PROS1: variants seen among roughly 807,000 people sequenced by gnomAD.
PROS1 encodes the protein protein S.
Under a neutral mutation model 75.9 loss-of-function variants are expected in PROS1, and 29 were observed. That is an observed-to-expected ratio of 0.38 (90% confidence interval 0.28 to 0.52). PROS1 has a LOEUF of 0.52. PROS1 is among the 20% of genes least tolerant of loss of function. The probability of loss-of-function intolerance (pLI) is 0.83; values close to 1 mark genes in which losing one functional copy is unlikely to be tolerated. For missense variants in PROS1, 680 were observed against 810.3 expected (o/e 0.84, Z 1.95); for synonymous variants, 245 against 280.6 (o/e 0.87, Z 1.27).
intron 1 of PROS1, among the ~76,000 whole-genome samples, chr3:93,969,676 C>T (rs1390747225): frequency 6.6e-6 from 1 of 152,160 alleles, no homozygotes; most frequent in Non-Finnish European, 1.5e-5. Flanking sequence ...CGCATTCCTT[C>T]TGTAGGCCTG....
chr3:93,933,384 G>A (rs1403043338), intron 1 of PROS1, among the ~76,000 whole-genome samples: 1 of 152,068 alleles, frequency 6.6e-6, no homozygotes, highest in Non-Finnish European at 1.5e-5. Flanking sequence ...AAACCAGCCT[G>A]GGCATCATAG....
intron 3 of PROS1, among the ~76,000 whole-genome samples, chr3:93,923,841 G>T (rs1708978392): frequency 6.6e-6 from 1 of 151,940 alleles, no homozygotes; most frequent in African/African-American, 2.4e-5. Flanking sequence ...GACAGAAGTT[G>T]CAGTGAGCTG....
At chr3:93,929,546 T>G (rs571651053) in intron 1 of PROS1, among the ~76,000 whole-genome samples, 1 of 152,146 alleles carries the variant, frequency 6.6e-6, no homozygotes, top group African/African-American at 2.4e-5. Flanking sequence ...AATATGCAGT[T>G]GCTAAAAGGA....
intron 1 of PROS1, among the ~76,000 whole-genome samples, chr3:93,946,171 G>A (rs1239737217): frequency 6.6e-6 from 1 of 152,126 alleles, no homozygotes; most frequent in Non-Finnish European, 1.5e-5. Context: ...CAAACAAATG[G>A]AAGAACATTC....
At chr3:93,888,724 T>C (rs2107143682) in intron 10 of PROS1, among the ~76,000 whole-genome samples, 1 of 152,308 alleles carries the variant, frequency 6.6e-6, no homozygotes, top group South Asian at 2.1e-4. Flanking sequence ...TCATCTTCTC[T>C]CCGCTGGGTT....
intron 3 of PROS1, among the ~76,000 whole-genome samples, chr3:93,923,368 T>G (rs1434755136): frequency 2.6e-5 from 4 of 152,168 alleles, no homozygotes; most frequent in Non-Finnish European, 5.9e-5. Context: ...GCAGCCTCAT[T>G]ACATGGCCCT....
At chr3:93,942,147 C>A (rs1175356513) in intron 1 of PROS1, among the ~76,000 whole-genome samples, 1 of 152,162 alleles carries the variant, frequency 6.6e-6, no homozygotes, top group Non-Finnish European at 1.5e-5. Context: ...CACTCACCAG[C>A]AAAGGCAGGC....
chr3:93,950,096 T>C (rs1709470476), intron 1 of PROS1, among the ~76,000 whole-genome samples: 4 of 151,980 alleles, frequency 2.6e-5, no homozygotes, highest in Non-Finnish European at 5.9e-5. Flanking sequence ...AGCACAGCAG[T>C]CTGAGATCAA....
chr3:93,929,285 C>T (rs1043563707), intron 1 of PROS1, among the ~76,000 whole-genome samples: 17 of 152,050 alleles, frequency 1.1e-4, no homozygotes, highest in Admixed American at 6.6e-5. Flanking sequence ...CAAGACCAGC[C>T]TGGATGACAA....
chr3:93,886,065 C>T (rs1708341585), intron 11 of PROS1, among the ~76,000 whole-genome samples: 1 of 152,034 alleles, frequency 6.6e-6, no homozygotes, highest in African/African-American at 2.4e-5. Flanking sequence ...TTAGTGTTAA[C>T]ATTCTCAAGT....
At chr3:93,934,051 G>C (rs797008848) in intron 1 of PROS1, among the ~76,000 whole-genome samples, 12 of 150,282 alleles carry the variant, frequency 8.0e-5, no homozygotes, top group African/African-American at 2.9e-4. Context: ...GTGGTGGTGG[G>C]CACCTCTAAT....
At chr3:93,887,292 T>TG (rs1216822411) in intron 10 of PROS1, among the ~76,000 whole-genome samples, 3 of 152,208 alleles carry the variant, frequency 2.0e-5, no homozygotes, top group Non-Finnish European at 2.9e-5. Flanking sequence ...TTATTTTTTC[T>TG]TTAAAATTCA....
intron 1 of PROS1, among the ~76,000 whole-genome samples, chr3:93,960,206 T>A (rs1303352965): frequency 6.7e-6 from 1 of 149,026 alleles, no homozygotes; most frequent in African/African-American, 2.5e-5. Context: ...AGATGGAGTC[T>A]CGCTCTGTCG....
At chr3:93,926,470 A>G (rs1386053834) in intron 2 of PROS1, among the ~76,000 whole-genome samples, 1 of 152,078 alleles carries the variant, frequency 6.6e-6, no homozygotes, top group South Asian at 2.1e-4. Context: ...CGTCTCTACT[A>G]AAAATACAAA....
intron 14 of PROS1, among the ~76,000 whole-genome samples, chr3:93,876,612 A>AT (rs1462966266): frequency 6.6e-6 from 1 of 150,518 alleles, no homozygotes; most frequent in Non-Finnish European, 1.5e-5. Context: ...AAAAAAAAAA[A>AT]AGCTGGATAA....
At chr3:93,907,719 C>T (rs975811173) in intron 4 of PROS1, among the ~76,000 whole-genome samples, 26 of 152,200 alleles carry the variant, frequency 1.7e-4, no homozygotes, top group African/African-American at 6.3e-4. Context: ...AGAAAAGCAA[C>T]ACCCCAAAGA....
rs190822866 is a variant in PROS1 at position 93,940,656 on chromosome 3, T to C, written c.77-13249A>G. On this transcript the variant is annotated intron_variant, in intron 1 of 14. Transcript: ENST00000394236. ...AAGCCTCCTTCACATCTTCCTCTCA[T>C]ATCCCCCTACTTCTACTACCTCCCT... 7.9e-5 allele frequency among the ~76,000 whole-genome samples: 12 copies of C among 152,082 alleles called. No homozygotes were observed. In the East Asian group the frequency reaches 2.3e-3, roughly 30 times the overall value.
chr3:93,927,899 A>G (rs576055431), intron 1 of PROS1, among the ~76,000 whole-genome samples: 2,218 of 124,614 alleles, frequency 0.018, 69 homozygotes, highest in African/African-American at 0.055. Flanking sequence ...ATATATATAT[A>G]TGTGTGTGTG....
At chr3:93,973,640 G>A (rs374255522) in intron 1 of PROS1, 34 bp downstream of exon 1, 2 of 1,604,362 alleles carry the variant, frequency 1.2e-6, no homozygotes, top group South Asian at 1.1e-5. Context: ...CGACAATGCT[G>A]GGGAAGGGAG....
Sources: allele counts gnomAD v4.1 joint callset (sites outside exome capture counted in the v4.1 genomes callset), GRCh38; gene constraint gnomAD v4.1.1; transcripts MANE v1.5; gene names NCBI Gene and HGNC (gene_info 2026-07-23, HGNC 2026-07-21).